PLCB1: variants seen among roughly 807,000 people sequenced by gnomAD.
PLCB1 encodes phospholipase C beta 1, also known as 1-phosphatidylinositol 4,5-bisphosphate phosphodiesterase beta-1.
Under a neutral mutation model 161.8 loss-of-function variants are expected in PLCB1, and 46 were observed. The ratio of observed to expected loss-of-function variants is 0.28; its 90% confidence interval spans 0.22 to 0.36. PLCB1 has a LOEUF of 0.36. Ranked by LOEUF, PLCB1 falls within the 10% of genes least tolerant of loss-of-function variation. The probability of loss-of-function intolerance (pLI) is 1.00; values close to 1 mark genes in which losing one functional copy is unlikely to be tolerated. For missense variants in PLCB1, 1,016 were observed against 1,472.5 expected, an observed-to-expected ratio of 0.69 and a Z score of 5.07; for synonymous variants, 517 against 503.7, an observed-to-expected ratio of 1.03 and a Z score of -0.35.
rs1987920242 is a variant in PLCB1, at chr20:8,612,060, T to G, written c.247-16234T>G. On this transcript the variant is annotated intron_variant, in intron 3 of 31. Transcript: ENST00000338037. ...TCCTTAAAAACAGTTAGTTGGCCTT[T>G]CTCTGTGCTCCAAAAGCATTTATCC... Among the ~76,000 whole-genome samples the G allele has an allele frequency of 2.6e-5, 4 of 152,138 alleles. No individual in the cohort carries two copies. The South Asian group carries it at 8.3e-4, about 31-fold the overall frequency.
At chr20:8,477,820 A>G (rs779900396) in intron 3 of PLCB1, among the ~76,000 whole-genome samples, 1 of 152,232 alleles carries the variant, frequency 6.6e-6, no homozygotes, top group Non-Finnish European at 1.5e-5. Flanking sequence ...ATTTGCACCC[A>G]TAATCCAAGC....
At chr20:8,588,989 T>C (rs1248365717) in intron 3 of PLCB1, among the ~76,000 whole-genome samples, 4 of 152,122 alleles carry the variant, frequency 2.6e-5, no homozygotes, top group African/African-American at 7.2e-5. Flanking sequence ...ACAACCCACA[T>C]TGGGCCAGTG....
At chr20:8,169,444 G>A (rs774886366) in intron 2 of PLCB1, among the ~76,000 whole-genome samples, 4 of 152,076 alleles carry the variant, frequency 2.6e-5, no homozygotes, top group Non-Finnish European at 4.4e-5. Context: ...TGAAACACTT[G>A]GCACAACACA....
chr20:8,809,062 T>A (rs1984681998), intron 31 of PLCB1, among the ~76,000 whole-genome samples: 1 of 152,174 alleles, frequency 6.6e-6, no homozygotes. Context: ...AGTGAAGCGA[T>A]CATGGCTCAC....
chr20:8,736,881 C>T, intron 19 of PLCB1, 147 bp from the exon 20 acceptor site: 1 of 621,362 alleles, frequency 1.6e-6, no homozygotes, highest in Non-Finnish European at 2.8e-6. Flanking sequence ...AAAGGGAAAT[C>T]ATATTTCTAC....
chr20:8,318,844 C>A (rs1207848235), intron 2 of PLCB1, among the ~76,000 whole-genome samples: 1 of 152,024 alleles, frequency 6.6e-6, no homozygotes, highest in African/African-American at 2.4e-5. Context: ...AGAATAAAAT[C>A]CTTAAAAATA....
At chr20:8,727,725 T>C (rs551451018) in intron 17 of PLCB1, among the ~76,000 whole-genome samples, 1 of 152,212 alleles carries the variant, frequency 6.6e-6, no homozygotes, top group South Asian at 2.1e-4. Flanking sequence ...CTCTTTGGAT[T>C]AGGTACAACA....
intron 9 of PLCB1, among the ~76,000 whole-genome samples, chr20:8,660,271 A>G (rs1390572048): frequency 1.3e-5 from 2 of 152,046 alleles, no homozygotes; most frequent in Non-Finnish European, 2.9e-5. Flanking sequence ...CTTCCCTAGT[A>G]CACAAGAGAT....
At chr20:8,253,828 G>T (rs1981275839) in intron 2 of PLCB1, among the ~76,000 whole-genome samples, 1 of 151,822 alleles carries the variant, frequency 6.6e-6, no homozygotes. Context: ...GTGTTCACCA[G>T]TATCCAATAT....
At chr20:8,724,548 G>A (rs1419669237) in intron 15 of PLCB1, 108 bp from the exon 16 acceptor site, 27 of 715,610 alleles carry the variant, frequency 3.8e-5, no homozygotes, top group Non-Finnish European at 5.4e-5. Context: ...TTCAGAAAGG[G>A]AGGGATGATT....
chr20:8,811,921 TTTTCCTG>T (rs1372825736), intron 31 of PLCB1, among the ~76,000 whole-genome samples: 1 of 152,200 alleles, frequency 6.6e-6, no homozygotes, highest in African/African-American at 2.4e-5. Flanking sequence ...CTTAAGCACA[TTTTCCTG>T]TAGGATTTTT....
At chr20:8,872,969 T>C (rs534253217) in intron 31 of PLCB1, among the ~76,000 whole-genome samples, 1 of 152,358 alleles carries the variant, frequency 6.6e-6, no homozygotes, top group East Asian at 1.9e-4. Flanking sequence ...CTTTTCCTTA[T>C]ATTCAAACTC....
At chr20:8,516,040 A>G (rs1984095750) in intron 3 of PLCB1, among the ~76,000 whole-genome samples, 2 of 152,220 alleles carry the variant, frequency 1.3e-5, no homozygotes, top group Admixed American at 6.5e-5. Flanking sequence ...GGAACTTCCC[A>G]TTGTAAAACC....
At chr20:8,491,203 T>TA (rs1415457695) in intron 3 of PLCB1, among the ~76,000 whole-genome samples, 1 of 152,062 alleles carries the variant, frequency 6.6e-6, no homozygotes. Context: ...TTAGGTCTTA[T>TA]AAAAAATATT....
At chr20:8,506,208 A>G (rs777509250) in intron 3 of PLCB1, among the ~76,000 whole-genome samples, 1 of 152,242 alleles carries the variant, frequency 6.6e-6, no homozygotes, top group Non-Finnish European at 1.5e-5. Flanking sequence ...TTTAAAACAA[A>G]CTATTTGCCT....
rs1214640477 is a variant in PLCB1 at position 8,884,673 on chromosome 20, T to G, written c.*2824T>G. ...TGTGTTAATATTGTTTGTGATGGAT[T>G]GGACGTTGTGACTCTTGCCTTTTAA... On this transcript the variant is annotated 3_prime_UTR_variant, in exon 32 of 32. Coordinates refer to ENST00000338037, the MANE Select transcript of PLCB1 (RefSeq NM_015192.4). 2 of 152,626 alleles carry G rather than the reference T, an allele frequency of 1.3e-5. No homozygotes were observed. The highest frequency in any genetic ancestry group is 4.8e-5 in the African/African-American group (2 of 41,458). The allele number at this position is 152,626 out of a possible 1,614,324, so 9.5% of individuals were successfully genotyped here. A position where few individuals can be genotyped will look rare whatever the true frequency, so the allele number is the denominator to read the frequency against.
At chr20:8,232,075 T>C (rs560595314) in intron 2 of PLCB1, among the ~76,000 whole-genome samples, 6 of 152,224 alleles carry the variant, frequency 3.9e-5, no homozygotes, top group Non-Finnish European at 7.4e-5. Flanking sequence ...GGCTTGGTGG[T>C]GTGCGTCTGT....
intron 3 of PLCB1, among the ~76,000 whole-genome samples, chr20:8,608,745 A>C (rs994180906): frequency 1.3e-5 from 2 of 152,230 alleles, no homozygotes; most frequent in African/African-American, 2.4e-5. Flanking sequence ...TTTCTGAATA[A>C]ATAAATGAAG....
intron 4 of PLCB1, among the ~76,000 whole-genome samples, chr20:8,641,712 CCTT>C (rs2123265708): frequency 6.6e-6 from 1 of 152,288 alleles, no homozygotes; most frequent in South Asian, 2.1e-4. Context: ...ATTAGCCAGA[CCTT>C]CTCTGGTGGT....
Sources: allele counts gnomAD v4.1 joint callset (sites outside exome capture counted in the v4.1 genomes callset), GRCh38; gene constraint gnomAD v4.1.1; transcripts MANE v1.5; gene names NCBI Gene and HGNC (gene_info 2026-07-23, HGNC 2026-07-21).